The following ANKRD33B variants were observed in gnomAD, a reference collection of about 807,000 sequenced individuals.
ANKRD33B encodes the protein ankyrin repeat domain-containing protein 33B.
ANKRD33B carries 6 observed loss-of-function variants against 21.5 expected under a neutral mutation model. The observed-to-expected ratio is 0.28, with a 90% CI of 0.15 to 0.55. The LOEUF is 0.55. Among genes scored for constraint, ANKRD33B ranks in the 20% least tolerant of loss-of-function variants. ANKRD33B has a pLI of 0.94. For missense variants in ANKRD33B, 698 were observed against 747.2 expected (o/e 0.93, Z 0.77); for synonymous variants, 347 against 342.4 (o/e 1.01, Z -0.15).
intron 1 of ANKRD33B, among the ~76,000 whole-genome samples, chr5:10,593,360 G>A (rs1735739826): frequency 6.6e-6 from 1 of 151,968 alleles, no homozygotes; most frequent in Non-Finnish European, 1.5e-5. Context: ...GCAAAAACCT[G>A]TACCATCAAT....
At chr5:10,587,630 G>A (rs1462204184) in intron 1 of ANKRD33B, among the ~76,000 whole-genome samples, 1 of 150,296 alleles carries the variant, frequency 6.7e-6, no homozygotes, top group African/African-American at 2.4e-5. Context: ...TGTATTCCCA[G>A]TACCTGGAGC....
At chr5:10,600,046 G>A (rs1320029100) in intron 1 of ANKRD33B, among the ~76,000 whole-genome samples, 1 of 152,150 alleles carries the variant, frequency 6.6e-6, no homozygotes, top group Non-Finnish European at 1.5e-5. Context: ...TCCTGATAGG[G>A]GTGAAGTGAT....
intron 2 of ANKRD33B, among the ~76,000 whole-genome samples, chr5:10,629,779 G>C (rs149237131): frequency 2.9e-3 from 436 of 152,252 alleles, no homozygotes; most frequent in African/African-American, 0.01. Flanking sequence ...AATGTTGAGA[G>C]GGCGGAAAAT....
intron 1 of ANKRD33B, among the ~76,000 whole-genome samples, chr5:10,598,261 A>ACATTTTG (rs1336204075): frequency 5.3e-5 from 8 of 150,882 alleles, no homozygotes; most frequent in African/African-American, 1.7e-4. Flanking sequence ...ACCATATTTT[A>ACATTTTG]TATTTTGTTT....
chr5:10,634,799 C>T (rs1204178690), intron 2 of ANKRD33B, among the ~76,000 whole-genome samples: 1 of 150,310 alleles, frequency 6.7e-6, no homozygotes, highest in Admixed American at 6.7e-5. Context: ...TTCCCTTGTG[C>T]AAGGAAGGCT....
chr5:10,606,040 G>GTGGT lies in ANKRD33B; in HGVS notation c.367-12293_367-12292insTGGT, dbSNP rs1346532995. Reference sequence around the variant, plus strand: ...TTCTTTCATCACATAATGCTTGTATGATCACTGCGTGGAAACCACTCCCAG... The same window carrying GTGGT: ...TTCTTTCATCACATAATGCTTGTATGTGGTATCACTGCGTGGAAACCACTCCCAG... On this transcript the variant is annotated intron_variant, in intron 1 of 3. Transcript: ENST00000296657. Among the ~76,000 whole-genome samples the GTGGT allele has an allele frequency of 3.9e-5, 6 of 152,306 alleles. No individual in the cohort carries two copies. In the South Asian group the frequency reaches 1.2e-3, roughly 32 times the overall value.
intron 1 of ANKRD33B, among the ~76,000 whole-genome samples, chr5:10,570,044 T>G (rs141251548): frequency 0.011 from 1,706 of 152,164 alleles, 38 homozygotes; most frequent in African/African-American, 0.039. Context: ...GCCCGACTAA[T>G]TTTTATGTTT....
At chr5:10,600,453 A>G (rs1292898204) in intron 1 of ANKRD33B, among the ~76,000 whole-genome samples, 1 of 152,254 alleles carries the variant, frequency 6.6e-6, no homozygotes, top group Non-Finnish European at 1.5e-5. Flanking sequence ...TGTTCAATGT[A>G]ATATGCATGA....
Position 10,576,077 on chromosome 5 carries a change from A to G in ANKRD33B, c.366+11244A>G, listed in dbSNP as rs1272663125. The stretch of plus-strand genomic sequence containing the variant: ...CAAGTTCGTGGCATTGTTATTGTAC[A>G]GTAATTGTGGAAGATGCTACCTTTG... On this transcript the variant is annotated intron_variant, in intron 1 of 3. Transcript: ENST00000296657. The surrounding 1 kb of genome is among the most constrained non-coding windows in gnomAD (Gnocchi z 4.1). Among the ~76,000 whole-genome samples, 3 of 152,228 alleles carry G rather than the reference A, an allele frequency of 2.0e-5. No individual in the cohort carries two copies. The highest frequency in any genetic ancestry group is 1.3e-4 in the Admixed American group (2 of 15,274).
In ANKRD33B at chr5:10,623,060, A is replaced by G. The variant is rs1736459110; in HGVS notation, c.496+4598A>G. Among the ~76,000 whole-genome samples the G allele has an allele frequency of 3.3e-5, 5 of 152,062 alleles. No homozygotes were observed. The South Asian group carries it at 8.3e-4, about 25-fold the overall frequency. On this transcript the variant is annotated intron_variant, in intron 2 of 3. Coordinates refer to ENST00000296657, the MANE Select transcript of ANKRD33B (RefSeq NM_001164440.2). ...TCCTGGGCTGTGTAGTTTTACTTCCAAGTTGAGTGTGGCATGGGAGCCTGT... is the reference window on the plus strand; with the variant it reads ...TCCTGGGCTGTGTAGTTTTACTTCCGAGTTGAGTGTGGCATGGGAGCCTGT...
chr5:10,632,587 C>T (rs1348818644), intron 2 of ANKRD33B, among the ~76,000 whole-genome samples: 3 of 152,126 alleles, frequency 2.0e-5, no homozygotes, highest in Admixed American at 6.5e-5. Context: ...CTCCTCCTGC[C>T]CGGGGTTGGG....
In ANKRD33B at chr5:10,657,409, C is replaced by A. The variant is rs1366331964; in HGVS notation, c.*7296C>A. 1 of 152,312 alleles carries A rather than the reference C, an allele frequency of 6.6e-6. No individual in the cohort carries two copies. The highest frequency in any genetic ancestry group is 1.5e-5 in the Non-Finnish European group (1 of 68,024). 9.4% of individuals were successfully genotyped at this position (152,312 alleles called of 1,614,324 possible). ...GTTAGGTCCTCTTAGTATAAGCTCT[C>A]TTTTTTTCTGAATGTAAACCTATTT... On this transcript the variant is annotated 3_prime_UTR_variant, in exon 4 of 4. Coordinates refer to ENST00000296657, the MANE Select transcript of ANKRD33B (RefSeq NM_001164440.2).
intron 1 of ANKRD33B, among the ~76,000 whole-genome samples, chr5:10,604,685 T>C (rs1388659324): frequency 6.6e-6 from 1 of 152,048 alleles, no homozygotes; most frequent in Non-Finnish European, 1.5e-5. Context: ...AATACTAATA[T>C]GTTTTATTTA....
intron 1 of ANKRD33B, among the ~76,000 whole-genome samples, chr5:10,569,247 G>T (rs1286309955): frequency 6.6e-6 from 1 of 152,102 alleles, no homozygotes; most frequent in Non-Finnish European, 1.5e-5. Flanking sequence ...GTGAATTCTG[G>T]CCTCAGGCCT....
chr5:10,589,852 C>A (rs1352056146), intron 1 of ANKRD33B, among the ~76,000 whole-genome samples: 1 of 151,992 alleles, frequency 6.6e-6, no homozygotes, highest in African/African-American at 2.4e-5. Context: ...TTGTTCCAAT[C>A]CCTTTTTCTT....
intron 2 of ANKRD33B, among the ~76,000 whole-genome samples, chr5:10,635,344 C>A (rs1736830816): frequency 6.6e-6 from 1 of 152,188 alleles, no homozygotes; most frequent in Non-Finnish European, 1.5e-5. Flanking sequence ...AGGATTCCCC[C>A]ACCTTCCCAT....
At chr5:10,604,869 A>G (rs1736009271) in intron 1 of ANKRD33B, among the ~76,000 whole-genome samples, 1 of 152,208 alleles carries the variant, frequency 6.6e-6, no homozygotes, top group East Asian at 1.9e-4. Flanking sequence ...TGCTACATGC[A>G]TCACCCCAAA....
intron 1 of ANKRD33B, among the ~76,000 whole-genome samples, 173 bp downstream of exon 1, chr5:10,565,006 C>G (rs1735016260): frequency 6.6e-6 from 1 of 152,228 alleles, no homozygotes; most frequent in Non-Finnish European, 1.5e-5. Flanking sequence ...TGGGTGGCTT[C>G]CCCGTCTCAG....
chr5:10,624,971 T>C (rs1347270127), intron 2 of ANKRD33B: 2 of 352,102 alleles, frequency 5.7e-6, no homozygotes, highest in Non-Finnish European at 1.1e-5. Flanking sequence ...ACATTGAGGA[T>C]GGAGAGCTTT....
Sources: allele counts gnomAD v4.1 joint callset (sites outside exome capture counted in the v4.1 genomes callset), GRCh38; gene constraint gnomAD v4.1.1; non-coding constraint Gnocchi (gnomAD v3.1); transcripts MANE v1.5; gene names NCBI Gene and HGNC (gene_info 2026-07-23, HGNC 2026-07-21).